The following CUL3 variants were observed in gnomAD, a reference collection of about 807,000 sequenced individuals.
CUL3 encodes the protein cullin-3.
Under a neutral mutation model 89.1 loss-of-function variants are expected in CUL3, and 19 were observed. That is an observed-to-expected ratio of 0.21 (90% confidence interval 0.15 to 0.31). The LOEUF (loss-of-function observed/expected upper bound fraction) is 0.31, where lower values mean the gene tolerates loss of function less well. Among genes scored for constraint, CUL3 ranks in the 10% least tolerant of loss-of-function variants. CUL3 has a pLI of 1.00. For synonymous variants in CUL3, 351 were observed against 308.4 expected (o/e 1.14, Z -1.45); for missense variants, 469 against 942.3 (o/e 0.50, Z 6.58).
rs776234290 is a variant in CUL3, at chr2:224,474,237, A to G, written c.*8T>C. On this transcript the variant is annotated 3_prime_UTR_variant, in exon 16 of 16. Coordinates refer to ENST00000264414, the MANE Select transcript of CUL3 (RefSeq NM_003590.5). ...AGTCCAAGAATAAATCAAATTTCTG[A>G]ACGCATTTTATGCTACATATGTGTA... The G allele has an allele frequency of 3.1e-5, 50 of 1,611,506 alleles. No individual in the cohort carries two copies. The South Asian group carries it at 5.3e-4, about 17-fold the overall frequency.
At position 224,584,960 on chromosome 2, in the gene CUL3, C is replaced by T. The variant is rs2106331302; in HGVS notation, c.50G>A (p.Arg17Gln). The T allele has an allele frequency of 6.6e-7, 1 of 1,504,920 alleles. No individual in the cohort carries two copies. 93.2% of individuals were successfully genotyped at this position (1,504,920 alleles called of 1,614,324 possible). A position where few individuals can be genotyped will look rare whatever the true frequency, so the allele number is the denominator to read the frequency against. Residue 17 changes from arginine to glutamine, a missense_variant, in exon 1 of 16, where the codon CGG (arginine) becomes CAG (glutamine). Arg to Gln is a conservative substitution (Grantham distance 43). Coordinates refer to ENST00000264414, the MANE Select transcript of CUL3 (RefSeq NM_003590.5). ...GAGACTCACCGGAAAGGCCCGGATC[C>T]GCATCTTGGTGTCCTTCCGGCTGCC... Reference protein sequence around the residue: ...GTGSRKDTKMRIRAFPMTMDE... With the variant: ...GTGSRKDTKMQIRAFPMTMDE...
intron 3 of CUL3, among the ~76,000 whole-genome samples, chr2:224,532,486 G>T (rs1365732602): frequency 6.6e-6 from 1 of 151,732 alleles, no homozygotes; most frequent in Non-Finnish European, 1.5e-5. Context: ...CAAGGAGAAT[G>T]GGGATTAGCA....
chr2:224,562,610 C>T (rs1694937550), intron 1 of CUL3: 2 of 150,324 alleles, frequency 1.3e-5, no homozygotes, highest in Non-Finnish European at 3.0e-5. Flanking sequence ...CCCACTCCAG[C>T]CTAGGCAACA....
rs992483618 is a variant in CUL3, at chr2:224,539,675, A to G, written c.265-4034T>C. ...AGAGATATAGAGATAACTTAAACGC[A>G]TATTACAAAGTGAAATAAGCTAATC... On this transcript the variant is annotated intron_variant, in intron 2 of 15. Coordinates refer to ENST00000264414, the MANE Select transcript of CUL3 (RefSeq NM_003590.5). 1.6e-4 allele frequency among the ~76,000 whole-genome samples: 24 copies of G among 152,166 alleles called. 1 individual carries two copies. The highest frequency in any genetic ancestry group is 1.6e-3 in the Admixed American group (24 of 15,270).
At chr2:224,576,309 A>G (rs984112286) in intron 1 of CUL3, among the ~76,000 whole-genome samples, 1 of 152,212 alleles carries the variant, frequency 6.6e-6, no homozygotes, top group Admixed American at 6.5e-5. Context: ...GACCACAGCT[A>G]GTAAACAGAA....
rs2106151365 is a variant in CUL3, at chr2:224,481,920, G to A, written c.2001C>T (p.Ser667=). ...HIFTVNDQFT[S]KLHRVKIQTV... ...TTTGAATCTTGACTCTGTGTAGTTT[G>A]GATGTGAATTGATCATTAACTGTAA... The change falls in exon 14 of 16, where the codon TCC becomes TCT. Residue 667 remains serine (S), a synonymous_variant. Coordinates refer to ENST00000264414, the MANE Select transcript of CUL3 (RefSeq NM_003590.5). The A allele has an allele frequency of 6.3e-7, 1 of 1,581,318 alleles. No homozygotes were observed. Among genetic ancestry groups the A allele is most frequent in the South Asian group, 1.2e-5 (1 of 82,486 alleles).
At chr2:224,531,932 G>C (rs1693709869) in intron 3 of CUL3, among the ~76,000 whole-genome samples, 1 of 152,162 alleles carries the variant, frequency 6.6e-6, no homozygotes, top group Admixed American at 6.5e-5. Context: ...AATATTTCAA[G>C]AGAGAAATGA....
Position 224,471,819 on chromosome 2 carries a change from G to A in CUL3, c.*2426C>T, listed in dbSNP as rs187337418. ...GAATTACACTTTAACAGTTACTGAA[G>A]AGATGACATGATTTTTGCAGTTGAA... On this transcript the variant is annotated 3_prime_UTR_variant, in exon 16 of 16. Transcript: ENST00000264414. 1.9e-4 allele frequency: 43 copies of A among 228,774 alleles called. 1 individual carries two copies. The highest frequency in any genetic ancestry group is 7.6e-4 in the East Asian group (12 of 15,830). 14.2% of individuals were successfully genotyped at this position (228,774 alleles called of 1,614,324 possible).
chr2:224,550,417 A>G (rs11695326), intron 2 of CUL3, among the ~76,000 whole-genome samples: 74,320 of 151,960 alleles, frequency 0.49, 18,339 homozygotes, highest in East Asian at 0.59. Context: ...GTGGATTTTG[A>G]AGCATTCTGA....
intron 13 of CUL3, among the ~76,000 whole-genome samples, chr2:224,489,874 G>A (rs368352804): frequency 2.0e-5 from 3 of 152,238 alleles, no homozygotes; most frequent in Admixed American, 1.3e-4. Context: ...TTAAACTAAC[G>A]AGCTTCTGCA....
intron 1 of CUL3, among the ~76,000 whole-genome samples, chr2:224,574,668 C>G (rs910179940): frequency 6.6e-6 from 1 of 152,198 alleles, no homozygotes; most frequent in African/African-American, 2.4e-5. Flanking sequence ...TTGAAAATAA[C>G]TGCCCTACAT....
Position 224,513,650 on chromosome 2 carries a change from AGTT to A in CUL3, c.540-15_540-13del. On this transcript the variant is annotated splice_polypyrimidine_tract_variant and intron_variant, in intron 4 of 15. Transcript: ENST00000264414. ...TTCTTATTGCGCCTCTGTCGAAAAA[AGTT>A]ATTATCACTTGATAATTAAATTACA... 1.3e-6 allele frequency: 2 copies of A among 1,512,938 alleles called. No individual in the cohort carries two copies. The highest frequency in any genetic ancestry group is 1.8e-6 in the Non-Finnish European group (2 of 1,120,226). The allele number at this position is 1,512,938 out of a possible 1,614,324, so 93.7% of individuals were successfully genotyped here.
At chr2:224,549,147 TA>T (rs1472049774) in intron 2 of CUL3, among the ~76,000 whole-genome samples, 1 of 151,892 alleles carries the variant, frequency 6.6e-6, no homozygotes, top group Non-Finnish European at 1.5e-5. Context: ...CAAAACACCA[TA>T]TTTACTAAAA....
At chr2:224,531,435 TA>T (rs56899563) in intron 3 of CUL3, among the ~76,000 whole-genome samples, 154 of 148,178 alleles carry the variant, frequency 1.0e-3, no homozygotes, top group African/African-American at 2.4e-3. Flanking sequence ...GTAGTTTATT[TA>T]AAAAAAAAAA....
At chr2:224,478,160 C>CTG (rs753893077) in intron 15 of CUL3, 40 bp downstream of exon 15, 9 of 1,512,472 alleles carry the variant, frequency 6.0e-6, no homozygotes, top group Non-Finnish European at 6.2e-6. Context: ...AATAATGTTA[C>CTG]TGTTTTTTCT....
intron 11 of CUL3, 125 bp from the exon 12 acceptor site, chr2:224,497,974 AAAGG>A (rs953604269): frequency 5.4e-5 from 38 of 704,706 alleles, no homozygotes; most frequent in African/African-American, 5.0e-4. Flanking sequence ...TTTAAAACTT[AAAGG>A]AAACTTTAGG....
chr2:224,506,106 G>A lies in CUL3; in HGVS notation c.1056C>T (p.Phe352=), dbSNP rs17480120. The A allele has an allele frequency of 2.1e-5, 34 of 1,603,356 alleles. No homozygotes were observed. Among genetic ancestry groups the A allele is most frequent in the Admixed American group, 8.5e-5 (5 of 59,080 alleles). Residue 352 remains phenylalanine (F), a synonymous_variant, in exon 8 of 16, where the codon TTC becomes TTT. Coordinates refer to ENST00000264414, the MANE Select transcript of CUL3 (RefSeq NM_003590.5). ...TGAATGATTCCAGGAGGAAGCGATC[G>A]AACCTACTCTTCAGATCCAATAAGC... ...IQGLLDLKSR[F]DRFLLESFNN...
chr2:224,497,058 T>C (rs1428236669), intron 12 of CUL3, among the ~76,000 whole-genome samples: 3 of 152,202 alleles, frequency 2.0e-5, no homozygotes, highest in Non-Finnish European at 4.4e-5. Flanking sequence ...CAATACTTAA[T>C]CTGATGTTAA....
chr2:224,568,903 T>C (rs1695112808), intron 1 of CUL3, among the ~76,000 whole-genome samples: 2 of 152,192 alleles, frequency 1.3e-5, no homozygotes, highest in Admixed American at 6.5e-5. Flanking sequence ...AAAATAATTA[T>C]GTTACTAATG....
Sources: allele counts gnomAD v4.1 joint callset (sites outside exome capture counted in the v4.1 genomes callset), GRCh38; gene constraint gnomAD v4.1.1; transcripts MANE v1.5; gene names NCBI Gene and HGNC (gene_info 2026-07-23, HGNC 2026-07-21).